Variants in SLC6A15 observed in about 807,000 individuals in gnomAD.
The protein encoded by SLC6A15 is sodium-dependent neutral amino acid transporter B(0)AT2.
A neutral mutation model predicts 68.5 loss-of-function variants in SLC6A15; 33 were observed. The ratio of observed to expected loss-of-function variants is 0.48; its 90% CI spans 0.37 to 0.64. SLC6A15 has a LOEUF of 0.64. SLC6A15 is among the 30% of genes least tolerant of loss of function. SLC6A15 has a pLI of 0.00. For missense variants in SLC6A15, 747 were observed against 874.3 expected, an observed-to-expected ratio of 0.85 and a Z score of 1.84; for synonymous variants, 347 against 301.0, an observed-to-expected ratio of 1.15 and a Z score of -1.58.
rs34335324 is a variant in SLC6A15, at chr12:84,910,928, CGTGTGTGT to C, written c.-189+1587_-189+1594del. On this transcript the variant is annotated intron_variant, in intron 1 of 11. Transcript: ENST00000266682. ...ATTTGCTGTTGAGCCGCCCTCTTTC[CGTGTGTGT>C]GTGTGTGTGTGTGTGTGTCTTTAAC... Among the ~76,000 whole-genome samples, 12 of 143,452 alleles carry C rather than the reference CGTGTGTGT, an allele frequency of 8.4e-5. 1 individual carries two copies. Among genetic ancestry groups the C allele is most frequent in the African/African-American group, 3.1e-4 (11 of 35,210 alleles). The allele number at this position is 143,452 out of a possible 152,430, so 94.1% of individuals were successfully genotyped here.
intron 2 of SLC6A15, among the ~76,000 whole-genome samples, chr12:84,886,989 C>T (rs1872139511): frequency 6.6e-6 from 1 of 152,184 alleles, no homozygotes; most frequent in South Asian, 2.1e-4. Context: ...GTCACCCAGG[C>T]TGAAGTACAG....
chr12:84,905,194 A>G (rs142556377), intron 1 of SLC6A15, among the ~76,000 whole-genome samples: 1 of 152,318 alleles, frequency 6.6e-6, no homozygotes, highest in African/African-American at 2.4e-5. Flanking sequence ...GAATTCAGTG[A>G]TGTATAAAAA....
chr12:84,870,713 T>A (rs1176156595), intron 8 of SLC6A15, 43 bp from the exon 9 acceptor site: 1 of 1,256,722 alleles, frequency 8.0e-7, no homozygotes, highest in Non-Finnish European at 1.1e-6. Flanking sequence ...AGAGTAATTA[T>A]TAAACAATGG....
At chr12:84,911,709 A>G (rs939510970) in intron 1 of SLC6A15, among the ~76,000 whole-genome samples, 1 of 152,154 alleles carries the variant, frequency 6.6e-6, no homozygotes, top group South Asian at 2.1e-4. Context: ...CCCTGTACTC[A>G]ATACCGTCTT....
intron 2 of SLC6A15, among the ~76,000 whole-genome samples, chr12:84,891,387 T>C (rs969844499): frequency 6.6e-6 from 1 of 152,152 alleles, no homozygotes; most frequent in Non-Finnish European, 1.5e-5. Context: ...AAGTTACATA[T>C]CATTTTGTAT....
At chr12:84,903,775 A>G (rs1389560091) in intron 1 of SLC6A15, among the ~76,000 whole-genome samples, 1 of 152,156 alleles carries the variant, frequency 6.6e-6, no homozygotes, top group Non-Finnish European at 1.5e-5. Context: ...CCGAAATCAT[A>G]TCTTCATCTC....
chr12:84,864,938 T>C (rs745735047), intron 10 of SLC6A15, among the ~76,000 whole-genome samples: 17 of 152,180 alleles, frequency 1.1e-4, no homozygotes, highest in Non-Finnish European at 1.3e-4. Context: ...CATCTATTAG[T>C]AGTAGTATTT....
chr12:84,890,545 G>T (rs1872338723), intron 2 of SLC6A15, among the ~76,000 whole-genome samples: 1 of 152,202 alleles, frequency 6.6e-6, no homozygotes, highest in Non-Finnish European at 1.5e-5. Flanking sequence ...TAGCTAAGGA[G>T]ATTTTCAGTA....
At chr12:84,886,745 T>G (rs542006718) in intron 2 of SLC6A15, among the ~76,000 whole-genome samples, 1 of 152,290 alleles carries the variant, frequency 6.6e-6, no homozygotes, top group South Asian at 2.1e-4. Flanking sequence ...TAATATCTAT[T>G]GTAAAAATGT....
intron 5 of SLC6A15, chr12:84,881,874 C>A (rs1170234684): frequency 2.0e-6 from 2 of 985,294 alleles, no homozygotes; most frequent in Non-Finnish European, 2.4e-6. Context: ...TTGGCTTCCA[C>A]ATCTTTGCTC....
chr12:84,873,797 T>A (rs1174326808), intron 6 of SLC6A15, among the ~76,000 whole-genome samples: 1 of 152,202 alleles, frequency 6.6e-6, no homozygotes, highest in African/African-American at 2.4e-5. Context: ...CTTCGCAGAG[T>A]TGAACTATTT....
At chr12:84,908,247 C>A (rs1873264662) in intron 1 of SLC6A15, among the ~76,000 whole-genome samples, 1 of 152,060 alleles carries the variant, frequency 6.6e-6, no homozygotes, top group Admixed American at 6.6e-5. Context: ...GGACTCAACA[C>A]CCATCTCAAA....
chr12:84,892,202 T>C lies in SLC6A15; in HGVS notation c.-82A>G. 7.7e-7 allele frequency: 1 copy of C among 1,303,110 alleles called. No individual in the cohort carries two copies. Among genetic ancestry groups the C allele is most frequent in the Non-Finnish European group, 1.1e-6 (1 of 951,870 alleles). The allele number at this position is 1,303,110 out of a possible 1,614,324, so 80.7% of individuals were successfully genotyped here. A position where few individuals can be genotyped will look rare whatever the true frequency, so the allele number is the denominator to read the frequency against. The stretch of plus-strand genomic sequence containing the variant: ...GTTAACTCTATTTTTCAAAACAATG[T>C]TACTTGATAGGAAGTAAAGACCGAG... On this transcript the variant is annotated 5_prime_UTR_variant, in exon 2 of 12. Coordinates refer to ENST00000266682, the MANE Select transcript of SLC6A15 (RefSeq NM_182767.6).
At position 84,912,675 on chromosome 12, in the gene SLC6A15, A is replaced by C. The variant is rs1873541494; in HGVS notation, c.-341T>G. The C allele has an allele frequency of 6.6e-6, 1 of 152,518 alleles. No homozygotes were observed. The highest frequency in any genetic ancestry group is 1.5e-5 in the Non-Finnish European group (1 of 68,550). The allele number at this position is 152,518 out of a possible 1,614,324, so 9.4% of individuals were successfully genotyped here. On this transcript the variant is annotated 5_prime_UTR_variant, in exon 1 of 12. Coordinates refer to ENST00000266682, the MANE Select transcript of SLC6A15 (RefSeq NM_182767.6). ...GCTTCTTGCCTAGGTTGGGACCCGG[A>C]GCTGGGTTTTGGGGGTCGCCGCCCT...
chr12:84,887,715 A>G (rs1269097483), intron 2 of SLC6A15, among the ~76,000 whole-genome samples: 2 of 151,890 alleles, frequency 1.3e-5, no homozygotes, highest in African/African-American at 4.8e-5. Context: ...AGTAAGAAAA[A>G]AGAGAGAGAG....
At chr12:84,877,670 A>G (rs931018383) in intron 5 of SLC6A15, among the ~76,000 whole-genome samples, 3 of 152,170 alleles carry the variant, frequency 2.0e-5, no homozygotes, top group East Asian at 3.9e-4. Context: ...TCTCATCTTC[A>G]TCTTCTCCCT....
At chr12:84,865,976 A>C (rs1412135909) in intron 10 of SLC6A15, among the ~76,000 whole-genome samples, 1 of 152,198 alleles carries the variant, frequency 6.6e-6, no homozygotes, top group Non-Finnish European at 1.5e-5. Context: ...TGGATTATAC[A>C]CTAAGAGCTA....
chr12:84,881,659 ATTC>A (rs1565725861), intron 5 of SLC6A15: 2 of 980,136 alleles, frequency 2.0e-6, no homozygotes, highest in African/African-American at 3.5e-5. Flanking sequence ...CAGCTGACTC[ATTC>A]TTCTTTTAGC....
chr12:84,900,426 A>G (rs1003973495), intron 1 of SLC6A15, among the ~76,000 whole-genome samples: 1 of 151,878 alleles, frequency 6.6e-6, no homozygotes, highest in African/African-American at 2.4e-5. Flanking sequence ...TTTCATTTTT[A>G]TAATTATTTA....
Sources: gnomAD v4.1 joint callset for allele counts (sites outside exome capture counted in the v4.1 genomes callset) on GRCh38, gnomAD v4.1.1 for gene constraint, MANE v1.5 for transcripts, NCBI Gene and HGNC (gene_info 2026-07-23, HGNC 2026-07-21) for gene names.